The following PLAAT1 variants were observed in gnomAD, a reference collection of about 807,000 sequenced individuals.
PLAAT1 encodes the protein phospholipase A and acyltransferase 1, also known as H-REV107 protein-related protein.
A neutral mutation model predicts 16.4 loss-of-function variants in PLAAT1; 13 were observed. That is an observed-to-expected ratio of 0.79 (90% CI 0.52 to 1.26). The LOEUF is 1.26. Among genes scored for constraint, PLAAT1 ranks in the 50% most tolerant of loss-of-function variants. The probability of loss-of-function intolerance (pLI) is 0.00; values close to 1 mark genes in which losing one functional copy is unlikely to be tolerated. For missense variants in PLAAT1, 218 were observed against 207.8 expected, an observed-to-expected ratio of 1.05 and a Z score of -0.30; for synonymous variants, 73 against 78.4, an observed-to-expected ratio of 0.93 and a Z score of 0.36.
At position 193,241,283 on chromosome 3, in the gene PLAAT1, G is replaced by A. The variant is rs928398215; in HGVS notation, c.-251G>A. ...CCGAGCCCAGCGCGTCGGCCCCCCG[G>A]CGTGCGGGCGTCTCAGAGCCGCGGA... On this transcript the variant is annotated 5_prime_UTR_variant, in exon 1 of 4. Transcript: ENST00000264735. 4.1e-5 allele frequency: 51 copies of A among 1,230,218 alleles called. 1 individual carries two copies. The highest frequency in any genetic ancestry group is 1.6e-4 in the East Asian group (5 of 31,628). The allele number at this position is 1,230,218 out of a possible 1,614,324, so 76.2% of individuals were successfully genotyped here.
intron 1 of PLAAT1, among the ~76,000 whole-genome samples, 162 bp downstream of exon 1, chr3:193,241,695 C>CT (rs1269003523): frequency 6.6e-6 from 1 of 152,216 alleles, no homozygotes; most frequent in Non-Finnish European, 1.5e-5. Context: ...GGGCAAGAGA[C>CT]TTTCTTCCCT....
chr3:193,276,640 T>C (rs1480685345), intron 2 of PLAAT1: 1 of 734,298 alleles, frequency 1.4e-6, no homozygotes, highest in Non-Finnish European at 2.3e-6. Context: ...AAACCCTTAA[T>C]AACTGTCATT....
downstream of PLAAT1, chr3:193,279,500 C>A: frequency 6.6e-7 from 1 of 1,524,874 alleles, no homozygotes; most frequent in South Asian, 1.1e-5. Flanking sequence ...AAGAATGTTT[C>A]ATATAATTTG....
rs533512022 is a variant in PLAAT1 at position 193,251,968 on chromosome 3, C to G, written c.1-3683C>G. On this transcript the variant is annotated intron_variant, in intron 1 of 3. Coordinates refer to ENST00000264735, the MANE Select transcript of PLAAT1 (RefSeq NM_020386.5). The stretch of plus-strand genomic sequence containing the variant: ...TAATGACTAATGGCTTCCTTGACAT[C>G]TATGTATTTTCTTTGGTGAAATTAG... 2.0e-5 allele frequency among the ~76,000 whole-genome samples: 3 copies of G among 152,156 alleles called. No homozygotes were observed. The South Asian group carries it at 6.2e-4, about 32-fold the overall frequency.
chr3:193,263,321 A>G, intron 3 of PLAAT1, 86 bp downstream of exon 3: 1 of 1,291,160 alleles, frequency 7.7e-7, no homozygotes, highest in Non-Finnish European at 1.1e-6. Flanking sequence ...AACCAAATGA[A>G]AAGAACCAGA....
downstream of PLAAT1, among the ~76,000 whole-genome samples, chr3:193,274,089 CA>C (rs1717074149): frequency 6.6e-6 from 1 of 151,990 alleles, no homozygotes; most frequent in Non-Finnish European, 1.5e-5. Flanking sequence ...ACTAAAAATA[CA>C]AAAATTATCT....
downstream of PLAAT1, among the ~76,000 whole-genome samples, chr3:193,278,521 C>T (rs529445873): frequency 1.3e-5 from 2 of 152,146 alleles, no homozygotes; most frequent in African/African-American, 2.4e-5. Flanking sequence ...TCTCTGCCAC[C>T]GTACATTCAT....
intron 1 of PLAAT1, among the ~76,000 whole-genome samples, chr3:193,249,011 C>G (rs925564560): frequency 6.6e-6 from 1 of 152,028 alleles, no homozygotes; most frequent in Admixed American, 6.6e-5. Context: ...ATTCCCTCAG[C>G]TTTTGTTTAT....
At chr3:193,275,360 C>T (rs1717144143), downstream of PLAAT1, 18 of 1,577,190 alleles carry the variant, frequency 1.1e-5, no homozygotes, top group Admixed American at 2.9e-4. Context: ...TGCAGCCAGG[C>T]CGCTGGCCAC....
upstream of PLAAT1, chr3:193,241,126 GGGC>G: frequency 1.0e-6 from 1 of 959,800 alleles, no homozygotes; most frequent in African/African-American, 1.8e-5. Context: ...CCCGGCGGGC[GGGC>G]GGGCGGGCGG....
At chr3:193,262,182 T>C (rs760073799) in intron 2 of PLAAT1, among the ~76,000 whole-genome samples, 10 of 151,976 alleles carry the variant, frequency 6.6e-5, no homozygotes, top group African/African-American at 7.3e-5. Context: ...GCCAAAGATA[T>C]AGTAGTTCCT....
At chr3:193,267,220 A>T (rs1577311659) in intron 3 of PLAAT1, among the ~76,000 whole-genome samples, 1 of 152,238 alleles carries the variant, frequency 6.6e-6, no homozygotes, top group African/African-American at 2.4e-5. Flanking sequence ...TTATCAACCA[A>T]AGTCCATAGT....
At chr3:193,245,946 T>C (rs1715966743) in intron 1 of PLAAT1, among the ~76,000 whole-genome samples, 1 of 152,258 alleles carries the variant, frequency 6.6e-6, no homozygotes, top group African/African-American at 2.4e-5. Flanking sequence ...ATAGCAAATG[T>C]GCAGTTTACA....
At position 193,269,048 on chromosome 3, in the gene PLAAT1, G is replaced by A. The variant is rs116262461; in HGVS notation, c.406-1556G>A. Reference sequence around the variant, plus strand: ...CTCACTATCTGCTGGAATTGTACTAGGGTTGGGCTTGATCCCTGTCTAATT... The same window carrying A: ...CTCACTATCTGCTGGAATTGTACTAAGGTTGGGCTTGATCCCTGTCTAATT... On this transcript the variant is annotated intron_variant, in intron 3 of 3. Coordinates refer to ENST00000264735, the MANE Select transcript of PLAAT1 (RefSeq NM_020386.5). 6.7e-3 allele frequency among the ~76,000 whole-genome samples: 1,021 copies of A among 152,016 alleles called. 10 individuals carry two copies. The highest frequency in any genetic ancestry group is 0.023 in the African/African-American group (962 of 41,452).
At chr3:193,280,867 A>T (rs1014893464), downstream of PLAAT1, among the ~76,000 whole-genome samples, 1 of 152,186 alleles carries the variant, frequency 6.6e-6, no homozygotes, top group Admixed American at 6.6e-5. Flanking sequence ...TCATTTATTC[A>T]GTGTTGATCT....
intron 3 of PLAAT1, 76 bp downstream of exon 3, chr3:193,263,311 A>C: frequency 7.2e-7 from 1 of 1,394,334 alleles, no homozygotes; most frequent in African/African-American, 1.4e-5. Context: ...CCAGGCCTCA[A>C]ACCAAATGAA....
chr3:193,254,149 G>A (rs1305934154), intron 1 of PLAAT1, among the ~76,000 whole-genome samples: 1 of 152,092 alleles, frequency 6.6e-6, no homozygotes, highest in Non-Finnish European at 1.5e-5. Flanking sequence ...TCATAAAGTT[G>A]TTTTAATAGT....
At chr3:193,267,818 C>T (rs747009955) in intron 3 of PLAAT1, among the ~76,000 whole-genome samples, 5 of 152,196 alleles carry the variant, frequency 3.3e-5, no homozygotes, top group Non-Finnish European at 7.3e-5. Context: ...TATCTTTTCA[C>T]ATTTTGCACT....
At chr3:193,274,968 T>C, downstream of PLAAT1, 1 of 1,548,712 alleles carries the variant, frequency 6.5e-7, no homozygotes, top group Non-Finnish European at 8.8e-7. Flanking sequence ...GGGGAGAGTA[T>C]CATCACTTCT....
Sources: gnomAD v4.1 joint callset for allele counts (sites outside exome capture counted in the v4.1 genomes callset) on GRCh38, gnomAD v4.1.1 for gene constraint, MANE v1.5 for transcripts, NCBI Gene and HGNC (gene_info 2026-07-23, HGNC 2026-07-21) for gene names.